Variants in KALRN observed in about 807,000 individuals in gnomAD.
KALRN encodes kalirin.
KALRN carries 70 observed loss-of-function variants against 353.7 expected under a neutral mutation model. That is an observed-to-expected ratio of 0.20 (90% CI 0.16 to 0.24). KALRN has a LOEUF of 0.24. Ranked by LOEUF, KALRN falls within the 10% of genes least tolerant of loss-of-function variation. The probability of loss-of-function intolerance (pLI) is 1.00; values close to 1 mark genes in which losing one functional copy is unlikely to be tolerated. For synonymous variants in KALRN, 1,391 were observed against 1,434.8 expected (o/e 0.97, Z 0.69); for missense variants, 2,791 against 3,756.7 (o/e 0.74, Z 6.72).
At chr3:124,631,200 T>C (rs1417068747) in intron 34 of KALRN, among the ~76,000 whole-genome samples, 1 of 152,202 alleles carries the variant, frequency 6.6e-6, no homozygotes, top group African/African-American at 2.4e-5. Context: ...GGCTTAGTCT[T>C]TGGACTTTGT....
chr3:124,685,920 A>G (rs967235448), intron 51 of KALRN, among the ~76,000 whole-genome samples: 1 of 152,168 alleles, frequency 6.6e-6, no homozygotes, highest in African/African-American at 2.4e-5. Flanking sequence ...TTGAAGAAGC[A>G]AAGACCATCA....
At chr3:124,360,472 C>T (rs1252256682) in intron 10 of KALRN, among the ~76,000 whole-genome samples, 1 of 152,124 alleles carries the variant, frequency 6.6e-6, no homozygotes, top group African/African-American at 2.4e-5. Flanking sequence ...TGCCTAGTGG[C>T]CCTCCTCAGA....
chr3:124,113,254 A>G (rs1005783874), intron 1 of KALRN, among the ~76,000 whole-genome samples: 7 of 152,162 alleles, frequency 4.6e-5, no homozygotes, highest in African/African-American at 1.7e-4. Context: ...TCCTATGTTT[A>G]CCTTATAGTG....
At chr3:124,715,438 TTGG>T (rs1319880594) in intron 58 of KALRN, among the ~76,000 whole-genome samples, 2 of 152,214 alleles carry the variant, frequency 1.3e-5, no homozygotes, top group African/African-American at 4.8e-5. Context: ...AAAGGTGAAC[TTGG>T]TGGCTAAGAC....
At chr3:124,393,850 T>C (rs1315588767) in intron 11 of KALRN, among the ~76,000 whole-genome samples, 1 of 152,212 alleles carries the variant, frequency 6.6e-6, no homozygotes, top group African/African-American at 2.4e-5. Flanking sequence ...TTCTGCCGCA[T>C]CTAGGGCTTC....
chr3:124,410,722 G>A (rs970523576), intron 13 of KALRN, among the ~76,000 whole-genome samples: 2 of 151,962 alleles, frequency 1.3e-5, no homozygotes, highest in Middle Eastern at 3.2e-3. Context: ...TAGAGCAACC[G>A]GAACTTGAAT....
At chr3:124,192,261 T>G (rs944922158) in intron 1 of KALRN, among the ~76,000 whole-genome samples, 1 of 152,150 alleles carries the variant, frequency 6.6e-6, no homozygotes, top group Non-Finnish European at 1.5e-5. Context: ...TTAAGTGAAA[T>G]AAACCAGGCA....
intron 1 of KALRN, among the ~76,000 whole-genome samples, chr3:124,171,446 GTTTCTTTACGTGATGGCA>G (rs1426407705): frequency 6.6e-6 from 1 of 152,216 alleles, no homozygotes; most frequent in Non-Finnish European, 1.5e-5. Flanking sequence ...ACCAGACTGA[GTTTCTTTACGTGATGGCA>G]GAAGTGTTGA....
intron 33 of KALRN, chr3:124,504,747 C>G (rs937108204): frequency 7.0e-6 from 3 of 426,492 alleles, no homozygotes; most frequent in Non-Finnish European, 1.5e-5. Flanking sequence ...GCAGTGAGCA[C>G]TGGGATGTGG....
intron 34 of KALRN, among the ~76,000 whole-genome samples, chr3:124,630,027 A>G (rs1561469512): frequency 6.6e-6 from 1 of 152,188 alleles, no homozygotes. Context: ...AGCTTTCTCA[A>G]TACTGGTAGA....
chr3:124,117,977 A>G (rs1220062159), intron 1 of KALRN, among the ~76,000 whole-genome samples: 1 of 152,214 alleles, frequency 6.6e-6, no homozygotes, highest in Non-Finnish European at 1.5e-5. Context: ...AATGACATTT[A>G]ATTAATGTTG....
rs561788885 is a variant in KALRN at position 124,385,898 on chromosome 3, TC to T, written c.1962+870del. Among the ~76,000 whole-genome samples the T allele has an allele frequency of 3.3e-5, 5 of 150,446 alleles. 1 individual carries two copies. The highest frequency in any genetic ancestry group is 5.9e-5 in the Non-Finnish European group (4 of 67,676). ...CTCATTAGGTGTATGCATGCTTGTG[TC>T]CCCCCCCAGGAATTCCCTTTAATAG... is the stretch of plus-strand genomic sequence containing the variant. On this transcript the variant is annotated intron_variant, in intron 11 of 59. Coordinates refer to ENST00000682506, the MANE Select transcript of KALRN (RefSeq NM_001388419.1).
chr3:124,479,959 G>C (rs954574166), intron 27 of KALRN, among the ~76,000 whole-genome samples: 1 of 151,998 alleles, frequency 6.6e-6, no homozygotes, highest in Non-Finnish European at 1.5e-5. Context: ...TCCTGACCTC[G>C]TGATCTACCC....
chr3:124,304,778 A>G (rs894948802), intron 6 of KALRN, among the ~76,000 whole-genome samples: 1 of 152,188 alleles, frequency 6.6e-6, no homozygotes, highest in African/African-American at 2.4e-5. Flanking sequence ...GAAAGCTTCA[A>G]CCAAGAACAC....
intron 10 of KALRN, among the ~76,000 whole-genome samples, chr3:124,372,276 C>A (rs924094276): frequency 6.6e-6 from 1 of 151,940 alleles, no homozygotes; most frequent in Non-Finnish European, 1.5e-5. Flanking sequence ...ACATATTCAC[C>A]ATGGAATAAT....
At chr3:124,098,474 G>A (rs1176392345) in intron 1 of KALRN, among the ~76,000 whole-genome samples, 1 of 152,144 alleles carries the variant, frequency 6.6e-6, no homozygotes, top group African/African-American at 2.4e-5. Flanking sequence ...GCCCCAGTAT[G>A]TCTCCAGCCT....
chr3:124,717,421 T>A (rs755133724), intron 59 of KALRN, 36 bp downstream of exon 59: 1 of 1,519,706 alleles, frequency 6.6e-7, no homozygotes, highest in South Asian at 1.3e-5. Flanking sequence ...GCGCAGTGGC[T>A]CACGCCTGAA....
intron 38 of KALRN, 46 bp downstream of exon 38, chr3:124,650,984 G>A (rs768018983): frequency 6.0e-5 from 96 of 1,604,650 alleles, no homozygotes; most frequent in Middle Eastern, 1.9e-4. Context: ...ATGTGAGTGC[G>A]GTGGACAATG....
intron 1 of KALRN, among the ~76,000 whole-genome samples, chr3:124,058,973 G>A (rs2041789018): frequency 6.6e-6 from 1 of 152,134 alleles, no homozygotes. Flanking sequence ...GTTTACACTT[G>A]TCTGAGACCA....
Sources: gnomAD v4.1 joint callset for allele counts (sites outside exome capture counted in the v4.1 genomes callset) on GRCh38, gnomAD v4.1.1 for gene constraint, MANE v1.5 for transcripts, NCBI Gene and HGNC (gene_info 2026-07-23, HGNC 2026-07-21) for gene names.